Variants in HS6ST3 observed in about 807,000 individuals in gnomAD.
The protein encoded by HS6ST3 is heparan-sulfate 6-O-sulfotransferase 3.
Under a neutral mutation model 36.7 loss-of-function variants are expected in HS6ST3, and 12 were observed. That is an observed-to-expected ratio of 0.33 (90% CI 0.21 to 0.53). The LOEUF (loss-of-function observed/expected upper bound fraction) is 0.53. HS6ST3 is among the 20% of genes least tolerant of loss of function. The pLI, the probability that HS6ST3 is intolerant of heterozygous loss-of-function variation, is 0.95. For synonymous variants in HS6ST3, 240 were observed against 257.5 expected, an observed-to-expected ratio of 0.93 and a Z score of 0.65; for missense variants, 584 against 640.9, an observed-to-expected ratio of 0.91 and a Z score of 0.96.
intron 1 of HS6ST3, among the ~76,000 whole-genome samples, chr13:96,459,125 A>AAAAAAAAAAAAAAAAAAAT (rs71113996): frequency 1.4e-5 from 2 of 138,530 alleles, no homozygotes; most frequent in East Asian, 2.1e-4. Context: ...AAAAAAAAAA[A>AAAAAAAAAAAAAAAAAAAT]GAGGTGACAT....
At chr13:96,343,685 A>G (rs1363984837) in intron 1 of HS6ST3, among the ~76,000 whole-genome samples, 1 of 151,862 alleles carries the variant, frequency 6.6e-6, no homozygotes. Flanking sequence ...ACTTTTATTT[A>G]TCTTTCCATT....
rs35266831 is a variant in HS6ST3 at position 96,831,954 on chromosome 13, C to CAAAAAAAAAAAAAAAA, written c.708-525_708-510dup. ...TGGGTGACAGAGCAAGACTCCCTCT[C>CAAAAAAAAAAAAAAAA]AAAAAAAAAAAAAAAAAAAAAAAAA... On this transcript the variant is annotated intron_variant, in intron 1 of 1. Transcript: ENST00000376705. 5.3e-3 allele frequency among the ~76,000 whole-genome samples: 115 copies of CAAAAAAAAAAAAAAAA among 21,846 alleles called. 12 individuals are homozygous for CAAAAAAAAAAAAAAAA. The highest frequency in any genetic ancestry group is 0.011 in the African/African-American group (59 of 5,426). 14.3% of individuals were successfully genotyped at this position (21,846 alleles called of 152,430 possible). A position where few individuals can be genotyped will look rare whatever the true frequency, so the allele number is the denominator to read the frequency against.
At chr13:96,605,540 A>G (rs56104502) in intron 1 of HS6ST3, among the ~76,000 whole-genome samples, 2,635 of 152,230 alleles carry the variant, frequency 0.017, 75 homozygotes, top group African/African-American at 0.059. Context: ...ACGATCATCC[A>G]CATCCATTTT....
At chr13:96,703,600 C>T (rs1021782424) in intron 1 of HS6ST3, among the ~76,000 whole-genome samples, 1 of 152,146 alleles carries the variant, frequency 6.6e-6, no homozygotes, top group Non-Finnish European at 1.5e-5. Context: ...ACTACAATTG[C>T]TCCATTATGT....
intron 1 of HS6ST3, among the ~76,000 whole-genome samples, chr13:96,792,842 C>A (rs975271798): frequency 2.0e-5 from 3 of 151,988 alleles, no homozygotes; most frequent in African/African-American, 7.2e-5. Context: ...TAATGAGAAA[C>A]TTGTGGTGGC....
intron 1 of HS6ST3, among the ~76,000 whole-genome samples, chr13:96,321,689 T>C (rs2055003727): frequency 6.6e-6 from 1 of 152,152 alleles, no homozygotes; most frequent in Non-Finnish European, 1.5e-5. Flanking sequence ...CTCTTGCCCT[T>C]TCCCTTGATG....
At chr13:96,487,592 C>T (rs954226969) in intron 1 of HS6ST3, among the ~76,000 whole-genome samples, 2 of 152,046 alleles carry the variant, frequency 1.3e-5, no homozygotes, top group African/African-American at 4.8e-5. Context: ...TCCAGTTTTA[C>T]CCATTTATAT....
intron 1 of HS6ST3, among the ~76,000 whole-genome samples, chr13:96,126,588 G>T (rs1200361844): frequency 1.3e-5 from 2 of 152,158 alleles, no homozygotes; most frequent in Non-Finnish European, 2.9e-5. Context: ...GTGCTGCTGG[G>T]GCTCCATGCA....
chr13:96,317,644 T>C (rs1428393169), intron 1 of HS6ST3, among the ~76,000 whole-genome samples: 1 of 151,588 alleles, frequency 6.6e-6, no homozygotes, highest in Non-Finnish European at 1.5e-5. Context: ...CAAACTGCTT[T>C]CTACGGTGGC....
chr13:96,471,349 C>A (rs574035851), intron 1 of HS6ST3, among the ~76,000 whole-genome samples: 2 of 152,290 alleles, frequency 1.3e-5, no homozygotes, highest in East Asian at 1.9e-4. Flanking sequence ...CCTTTTCCTT[C>A]TTCTGAGTTT....
intron 1 of HS6ST3, among the ~76,000 whole-genome samples, chr13:96,570,693 AG>A (rs1051035954): frequency 2.6e-4 from 40 of 152,342 alleles, no homozygotes; most frequent in African/African-American, 9.6e-4. Context: ...GCATGTTGGC[AG>A]GGGTAAAAAG....
Position 96,239,478 on chromosome 13 carries a change from T to A in HS6ST3, c.707+147909T>A, listed in dbSNP as rs975222287. ...ATAAAAGCAATTATAACGGGTGGTT[T>A]AATAAGGCAAACAGTGTTGGTGAAT... On this transcript the variant is annotated intron_variant, in intron 1 of 1. Coordinates refer to ENST00000376705, the MANE Select transcript of HS6ST3 (RefSeq NM_153456.4). Among the ~76,000 whole-genome samples the A allele has an allele frequency of 4.6e-5, 7 of 152,220 alleles. 1 individual carries two copies. Among genetic ancestry groups the A allele is most frequent in the Middle Eastern group, 6.3e-3 (2 of 316 alleles).
chr13:96,337,468 A>G (rs1427364139), intron 1 of HS6ST3, among the ~76,000 whole-genome samples: 2 of 152,072 alleles, frequency 1.3e-5, no homozygotes, highest in Non-Finnish European at 2.9e-5. Context: ...GGGATGTGAA[A>G]TGTTCTATTC....
chr13:96,487,457 A>C (rs1358127267), intron 1 of HS6ST3, among the ~76,000 whole-genome samples: 1 of 152,100 alleles, frequency 6.6e-6, no homozygotes, highest in East Asian at 1.9e-4. Context: ...GCTTAAATTG[A>C]ATTTCTAAAT....
At chr13:96,772,953 C>G (rs1877299862) in intron 1 of HS6ST3, among the ~76,000 whole-genome samples, 1 of 152,110 alleles carries the variant, frequency 6.6e-6, no homozygotes, top group Non-Finnish European at 1.5e-5. Context: ...TTCTGCATTT[C>G]CCACTGAGGT....
chr13:96,833,808 G>C lies in HS6ST3; in HGVS notation c.*610G>C, dbSNP rs1878862848. On this transcript the variant is annotated 3_prime_UTR_variant, in exon 2 of 2. Transcript: ENST00000376705. ...TATCCTATTATTGACCATTGCTAGA[G>C]ACCCACATCCTACAAAATCCTGACA... 6.6e-6 allele frequency: 1 copy of C among 152,288 alleles called. No homozygotes were observed. The highest frequency in any genetic ancestry group is 1.5e-5 in the Non-Finnish European group (1 of 68,130). The allele number at this position is 152,288 out of a possible 1,614,324, so 9.4% of individuals were successfully genotyped here.
At chr13:96,321,123 T>G (rs370590999) in intron 1 of HS6ST3, among the ~76,000 whole-genome samples, 2 of 152,134 alleles carry the variant, frequency 1.3e-5, no homozygotes, top group Admixed American at 6.5e-5. Flanking sequence ...TCAACTTTTT[T>G]TTTTTAAAAG....
chr13:96,638,866 A>T (rs182885015), intron 1 of HS6ST3, among the ~76,000 whole-genome samples: 456 of 144,788 alleles, frequency 3.1e-3, no homozygotes, highest in African/African-American at 0.012. Context: ...GTGGAGAATT[A>T]AAAAAAAAAT....
At chr13:96,399,278 T>C (rs908816801) in intron 1 of HS6ST3, among the ~76,000 whole-genome samples, 3 of 152,246 alleles carry the variant, frequency 2.0e-5, no homozygotes, top group African/African-American at 7.2e-5. Context: ...TCATAGTTTT[T>C]AATCATGGCA....
Sources: gnomAD v4.1 joint callset for allele counts (sites outside exome capture counted in the v4.1 genomes callset) on GRCh38, gnomAD v4.1.1 for gene constraint, MANE v1.5 for transcripts, NCBI Gene and HGNC (gene_info 2026-07-23, HGNC 2026-07-21) for gene names.